DYNC1I1: variants seen among roughly 807,000 people sequenced by gnomAD.
DYNC1I1 encodes the protein dynein cytoplasmic 1 intermediate chain 1.
DYNC1I1 carries 43 observed loss-of-function variants against 86.6 expected under a neutral mutation model. The observed-to-expected ratio is 0.50, with a 90% CI of 0.39 to 0.64. The LOEUF (loss-of-function observed/expected upper bound fraction) is 0.64. Ranked by LOEUF, DYNC1I1 falls within the 30% of genes least tolerant of loss-of-function variation. The probability of loss-of-function intolerance (pLI) is 0.00; values close to 1 mark genes in which losing one functional copy is unlikely to be tolerated. For synonymous variants in DYNC1I1, 262 were observed against 283.7 expected, an observed-to-expected ratio of 0.92 and a Z score of 0.77; for missense variants, 604 against 788.8, an observed-to-expected ratio of 0.77 and a Z score of 2.81.
intron 7 of DYNC1I1, among the ~76,000 whole-genome samples, chr7:95,979,048 C>T (rs1426644161): frequency 6.6e-6 from 1 of 152,184 alleles, no homozygotes; most frequent in Non-Finnish European, 1.5e-5. Flanking sequence ...CCCGCCTTAG[C>T]CTCCCAAAGT....
chr7:95,795,309 C>T (rs1794407193), intron 1 of DYNC1I1, among the ~76,000 whole-genome samples: 1 of 152,218 alleles, frequency 6.6e-6, no homozygotes, highest in Non-Finnish European at 1.5e-5. Flanking sequence ...CATTTTAACT[C>T]TTCCATTTAA....
At chr7:95,938,135 G>A (rs1223255808) in intron 6 of DYNC1I1, among the ~76,000 whole-genome samples, 1 of 152,054 alleles carries the variant, frequency 6.6e-6, no homozygotes, top group African/African-American at 2.4e-5. Context: ...TATCCATTCT[G>A]TCAATGAGAT....
chr7:95,980,860 CAT>C (rs1297795564), intron 7 of DYNC1I1, among the ~76,000 whole-genome samples: 3 of 152,058 alleles, frequency 2.0e-5, no homozygotes, highest in Non-Finnish European at 4.4e-5. Context: ...CAAATCAACT[CAT>C]AAACCTCACA....
chr7:96,011,871 C>T (rs1165350333), intron 10 of DYNC1I1, among the ~76,000 whole-genome samples: 5 of 152,070 alleles, frequency 3.3e-5, no homozygotes, highest in East Asian at 1.9e-4. Flanking sequence ...TCTGAAGCTA[C>T]GGTTAATTTA....
intron 6 of DYNC1I1, among the ~76,000 whole-genome samples, chr7:95,930,466 G>A (rs901688946): frequency 1.3e-5 from 2 of 152,202 alleles, no homozygotes; most frequent in Non-Finnish European, 2.9e-5. Context: ...AACTGTCTAT[G>A]TACTGTCCAC....
intron 6 of DYNC1I1, among the ~76,000 whole-genome samples, chr7:95,930,800 TA>T (rs1413891119): frequency 1.3e-5 from 2 of 152,312 alleles, no homozygotes; most frequent in East Asian, 3.9e-4. Flanking sequence ...AAAAAATATT[TA>T]AAAAGGAAAC....
intron 6 of DYNC1I1, among the ~76,000 whole-genome samples, chr7:95,907,225 C>T (rs1791199005): frequency 6.6e-6 from 1 of 152,160 alleles, no homozygotes; most frequent in South Asian, 2.1e-4. Context: ...TGGATACGAG[C>T]ATATATCCTT....
At chr7:95,970,015 A>G (rs1793124723) in intron 6 of DYNC1I1, among the ~76,000 whole-genome samples, 1 of 152,134 alleles carries the variant, frequency 6.6e-6, no homozygotes, top group African/African-American at 2.4e-5. Flanking sequence ...GGTTTGTGTA[A>G]GCATTCAGTG....
chr7:95,829,275 G>A (rs1795269011), intron 5 of DYNC1I1, among the ~76,000 whole-genome samples: 1 of 152,056 alleles, frequency 6.6e-6, no homozygotes, highest in Non-Finnish European at 1.5e-5. Context: ...GTGACCCTTT[G>A]CATATGCAAA....
chr7:95,946,708 C>T (rs1792411886), intron 6 of DYNC1I1, among the ~76,000 whole-genome samples: 1 of 152,192 alleles, frequency 6.6e-6, no homozygotes, highest in Non-Finnish European at 1.5e-5. Context: ...CTAGTAAGTG[C>T]ATACCCTGAG....
intron 16 of DYNC1I1, among the ~76,000 whole-genome samples, chr7:96,103,576 A>C (rs1791168022): frequency 6.6e-6 from 1 of 152,134 alleles, no homozygotes; most frequent in South Asian, 2.1e-4. Context: ...TTGCAATAAA[A>C]GTCAAAATCC....
At chr7:95,993,082 C>T (rs1371860757) in intron 9 of DYNC1I1, among the ~76,000 whole-genome samples, 1 of 152,052 alleles carries the variant, frequency 6.6e-6, no homozygotes, top group Non-Finnish European at 1.5e-5. Flanking sequence ...AACATAACTT[C>T]GAACAACACT....
At chr7:96,017,365 C>T (rs1362202811) in intron 10 of DYNC1I1, among the ~76,000 whole-genome samples, 1 of 152,146 alleles carries the variant, frequency 6.6e-6, no homozygotes, top group African/African-American at 2.4e-5. Flanking sequence ...CTATTCCAGT[C>T]TAGGCCTAGC....
At chr7:95,886,389 G>A (rs1790593230) in intron 6 of DYNC1I1, among the ~76,000 whole-genome samples, 1 of 151,940 alleles carries the variant, frequency 6.6e-6, no homozygotes, top group Non-Finnish European at 1.5e-5. Flanking sequence ...AGCCGAGATG[G>A]CACTACTGCA....
At chr7:95,793,394 G>A (rs1004269889) in intron 1 of DYNC1I1, among the ~76,000 whole-genome samples, 8 of 152,006 alleles carry the variant, frequency 5.3e-5, no homozygotes, top group South Asian at 2.1e-4. Context: ...GAAGTCTCTC[G>A]TGGCAGACCT....
At chr7:96,033,893 C>T (rs1414236909) in intron 12 of DYNC1I1, among the ~76,000 whole-genome samples, 3 of 151,998 alleles carry the variant, frequency 2.0e-5, no homozygotes, top group Non-Finnish European at 2.9e-5. Flanking sequence ...GTCTGTAGTC[C>T]ATGTTCCTTG....
chr7:96,078,662 G>A (rs771990243), intron 15 of DYNC1I1, among the ~76,000 whole-genome samples: 13 of 151,774 alleles, frequency 8.6e-5, no homozygotes, highest in Admixed American at 2.6e-4. Flanking sequence ...TGTTATATTC[G>A]TATTAAGATT....
chr7:96,080,962 C>T (rs1173804274), intron 16 of DYNC1I1, among the ~76,000 whole-genome samples: 1 of 151,518 alleles, frequency 6.6e-6, no homozygotes, highest in East Asian at 1.9e-4. Flanking sequence ...CCCAGCTACT[C>T]AGGAGGCTGA....
chr7:95,973,447 C>G (rs1325814758), intron 6 of DYNC1I1, among the ~76,000 whole-genome samples: 1 of 152,182 alleles, frequency 6.6e-6, no homozygotes, highest in Non-Finnish European at 1.5e-5. Flanking sequence ...AGGGCAGGTA[C>G]TATTTTTTAA....
Sources: gnomAD v4.1 joint callset for allele counts (sites outside exome capture counted in the v4.1 genomes callset) on GRCh38, gnomAD v4.1.1 for gene constraint, MANE v1.5 for transcripts, NCBI Gene and HGNC (gene_info 2026-07-23, HGNC 2026-07-21) for gene names.